Variants in KCNQ1 observed in about 807,000 individuals in gnomAD.
KCNQ1 encodes the protein potassium voltage-gated channel subfamily KQT member 1.
In KCNQ1, 49 loss-of-function variants were observed where a neutral mutation model predicts 72.4. That is an observed-to-expected ratio of 0.68 (90% CI 0.54 to 0.86). The LOEUF is 0.86. Among genes scored for constraint, KCNQ1 ranks in the 40% least tolerant of loss-of-function variants. The pLI, the probability that KCNQ1 is intolerant of heterozygous loss-of-function variation, is 0.00. For synonymous variants in KCNQ1, 450 were observed against 412.6 expected, an observed-to-expected ratio of 1.09 and a Z score of -1.10; for missense variants, 790 against 945.1, an observed-to-expected ratio of 0.84 and a Z score of 2.15.
At chr11:2,466,379 G>A (rs1564788875) in intron 1 of KCNQ1, among the ~76,000 whole-genome samples, 1 of 152,180 alleles carries the variant, frequency 6.6e-6, no homozygotes, top group Non-Finnish European at 1.5e-5. Context: ...TGCAGGAGGA[G>A]GGGGGCTCCC....
Position 2,664,884 on chromosome 11 carries a change from A to G in KCNQ1, c.1514+2803A>G, listed in dbSNP as rs1319419261. The G allele has an allele frequency of 5.0e-6, 2 of 398,552 alleles. No individual in the cohort carries two copies. The highest frequency in any genetic ancestry group is 8.8e-6 in the Non-Finnish European group (2 of 226,092). 24.7% of individuals were successfully genotyped at this position (398,552 alleles called of 1,614,324 possible). On this transcript the variant is annotated intron_variant, in intron 11 of 15. Coordinates refer to ENST00000155840, the MANE Select transcript of KCNQ1 (RefSeq NM_000218.3). The surrounding 1 kb of genome is among the most constrained non-coding windows in gnomAD (Gnocchi z 5.1). Reference sequence around the variant, plus strand: ...CAGAATTCAAATTAAAAACATAAATAAAGACACATTTTGTTTCCATCTCGA... The same window carrying G: ...CAGAATTCAAATTAAAAACATAAATGAAGACACATTTTGTTTCCATCTCGA...
rs889923662 is a variant in KCNQ1 at position 2,682,287 on chromosome 11, A to C, written c.1514+20206A>C. The C allele has an allele frequency of 7.5e-6, 3 of 398,420 alleles. No individual in the cohort carries two copies. Among genetic ancestry groups the C allele is most frequent in the Non-Finnish European group, 1.3e-5 (3 of 226,072 alleles). The allele number at this position is 398,420 out of a possible 1,614,324, so 24.7% of individuals were successfully genotyped here. The stretch of plus-strand genomic sequence containing the variant: ...TAAAGCTTAAGACTGGGCTGTAAAA[A>C]ATCACATACCTCCCCTCCCATTCTT... On this transcript the variant is annotated intron_variant, in intron 11 of 15. Transcript: ENST00000155840. This position sits in a 1 kb window ranked among gnomAD's most constrained non-coding sequence, Gnocchi z 5.8.
intron 10 of KCNQ1, chr11:2,650,542 T>G (rs1230439960): frequency 2.5e-6 from 1 of 398,564 alleles, no homozygotes; most frequent in African/African-American, 2.1e-5. Context: ...ATCTGCAAGT[T>G]CATCAGTGGC....
At position 2,830,008 on chromosome 11, in the gene KCNQ1, AGGAGGAGGAAGGAGGAGGAAGGAGGAG is replaced by A. The variant is rs1216797202; in HGVS notation, c.1795-17740_1795-17714del. On this transcript the variant is annotated intron_variant, in intron 15 of 15. Coordinates refer to ENST00000155840, the MANE Select transcript of KCNQ1 (RefSeq NM_000218.3). This position sits in a 1 kb window ranked among gnomAD's most constrained non-coding sequence, Gnocchi z 7.7. The stretch of plus-strand genomic sequence containing the variant: ...GAGGAGGAAGGAAGAGGGAGGAGGA[AGGAGGAGGAAGGAGGAGGAAGGAGGAG>A]GGAGGAGGAAGGAGGAGGGAGGAGG... Among the ~76,000 whole-genome samples, 42 of 79,556 alleles carry A rather than the reference AGGAGGAGGAAGGAGGAGGAAGGAGGAG, an allele frequency of 5.3e-4. No homozygotes were observed. The highest frequency in any genetic ancestry group is 5.5e-4 in the Non-Finnish European group (24 of 43,746). The allele number at this position is 79,556 out of a possible 152,430, so 52.2% of individuals were successfully genotyped here. A position where few individuals can be genotyped will look rare whatever the true frequency, so the allele number is the denominator to read the frequency against.
At chr11:2,649,054 T>A in intron 10 of KCNQ1, 2 of 397,208 alleles carry the variant, frequency 5.0e-6, no homozygotes, top group East Asian at 7.1e-5. Flanking sequence ...GGTGTCTGTT[T>A]GTGTGGAATA....
Position 2,673,407 on chromosome 11 carries a change from G to T in KCNQ1, c.1514+11326G>T. On this transcript the variant is annotated intron_variant, in intron 11 of 15. Coordinates refer to ENST00000155840, the MANE Select transcript of KCNQ1 (RefSeq NM_000218.3). The surrounding 1 kb of genome is among the most constrained non-coding windows in gnomAD (Gnocchi z 4.5). ...TTGGCCTTTGTTTAGCCCACCTTCT[G>T]CCTAGGCACCAGGCCTGGAGGTTCC... The T allele has an allele frequency of 2.5e-6, 1 of 398,692 alleles. No individual in the cohort carries two copies. Among genetic ancestry groups the T allele is most frequent in the East Asian group, 3.6e-5 (1 of 28,082 alleles). 24.7% of individuals were successfully genotyped at this position (398,692 alleles called of 1,614,324 possible).
chr11:2,714,938 T>C (rs1285123451), intron 11 of KCNQ1, among the ~76,000 whole-genome samples: 1 of 143,910 alleles, frequency 6.9e-6, no homozygotes, highest in African/African-American at 2.6e-5. Flanking sequence ...GATACTCTAA[T>C]GGGGGCACAA....
chr11:2,591,541 C>T (rs973317496), intron 10 of KCNQ1, among the ~76,000 whole-genome samples: 6 of 152,200 alleles, frequency 3.9e-5, no homozygotes, highest in Non-Finnish European at 5.9e-5. Flanking sequence ...GGGCTTTCTG[C>T]GCATGCTAAC....
rs926845306 is a variant in KCNQ1, at chr11:2,649,342, C to A, written c.1394-12619C>A. 1.3e-5 allele frequency: 5 copies of A among 398,110 alleles called. No individual in the cohort carries two copies. In the East Asian group the frequency reaches 1.4e-4, roughly 11 times the overall value. The allele number at this position is 398,110 out of a possible 1,614,324, so 24.7% of individuals were successfully genotyped here. ...TTTTCTGTAGTGATAATCTTTTATT[C>A]CTTTTCCTTTCTCATTTGTGTATCT... On this transcript the variant is annotated intron_variant, in intron 10 of 15. Transcript: ENST00000155840.
rs1487431585 is a variant in KCNQ1 at position 2,768,681 on chromosome 11, C to A, written c.1515-163C>A. On this transcript the variant is annotated intron_variant, in intron 11 of 15. Coordinates refer to ENST00000155840, the MANE Select transcript of KCNQ1 (RefSeq NM_000218.3). The surrounding 1 kb of genome is among the most constrained non-coding windows in gnomAD (Gnocchi z 6.7). ...TCTTGCCCCCAGCCTCCCCTCGAGC[C>A]CACACTGGGACATGGCCTAAGTATC... is the stretch of plus-strand genomic sequence containing the variant. Among the ~76,000 whole-genome samples the A allele has an allele frequency of 6.6e-6, 1 of 152,082 alleles. No homozygotes were observed. Among genetic ancestry groups the A allele is most frequent in the Non-Finnish European group, 1.5e-5 (1 of 68,014 alleles).
At chr11:2,449,217 G>A (rs1466577367) in intron 1 of KCNQ1, among the ~76,000 whole-genome samples, 2 of 152,246 alleles carry the variant, frequency 1.3e-5, no homozygotes, top group Non-Finnish European at 2.9e-5. Flanking sequence ...CGGTTGGAGG[G>A]AACATTCACC....
intron 11 of KCNQ1, chr11:2,680,003 C>T (rs1215852300): frequency 5.0e-6 from 2 of 396,822 alleles, no homozygotes; most frequent in East Asian, 3.6e-5. Flanking sequence ...AAGCAATTCT[C>T]CTGCCTTAGC....
chr11:2,651,218 A>G lies in KCNQ1; in HGVS notation c.1394-10743A>G. The G allele has an allele frequency of 2.5e-6, 1 of 398,694 alleles. No homozygotes were observed. Among genetic ancestry groups the G allele is most frequent in the Non-Finnish European group, 4.4e-6 (1 of 226,102 alleles). 24.7% of individuals were successfully genotyped at this position (398,694 alleles called of 1,614,324 possible). A position where few individuals can be genotyped will look rare whatever the true frequency, so the allele number is the denominator to read the frequency against. On this transcript the variant is annotated intron_variant, in intron 10 of 15. Coordinates refer to ENST00000155840, the MANE Select transcript of KCNQ1 (RefSeq NM_000218.3). This position sits in a 1 kb window ranked among gnomAD's most constrained non-coding sequence, Gnocchi z 6.1. ...GCTTCCTGTCACCCTGTCTTGTGTC[A>G]GTCTCACAGCACACACAGCTTAATT...
intron 15 of KCNQ1, among the ~76,000 whole-genome samples, chr11:2,845,924 T>C (rs1047582912): frequency 6.6e-6 from 1 of 152,150 alleles, no homozygotes; most frequent in African/African-American, 2.4e-5. Flanking sequence ...CCGTGGTAGG[T>C]GCTGTGGGTG....
chr11:2,743,966 C>T (rs1846098317), intron 11 of KCNQ1, among the ~76,000 whole-genome samples: 1 of 152,196 alleles, frequency 6.6e-6, no homozygotes, highest in Non-Finnish European at 1.5e-5. Context: ...CTGCTCCTGC[C>T]CGTTCTGGCC....
At chr11:2,726,137 C>T (rs1487948778) in intron 11 of KCNQ1, among the ~76,000 whole-genome samples, 1 of 152,208 alleles carries the variant, frequency 6.6e-6, no homozygotes, top group Non-Finnish European at 1.5e-5. Flanking sequence ...TAAGGAGGAC[C>T]ACCTGCCTGC....
Position 2,509,979 on chromosome 11 carries a change from G to C in KCNQ1, c.387-17949G>C, listed in dbSNP as rs541536484. Among the ~76,000 whole-genome samples the C allele has an allele frequency of 6.6e-6, 1 of 152,154 alleles. No homozygotes were observed. The highest frequency in any genetic ancestry group is 1.5e-5 in the Non-Finnish European group (1 of 68,036). The stretch of plus-strand genomic sequence containing the variant: ...GACTTTGGTTTCCTGGTGTTTAAAG[G>C]CTAATTGGGATCGGTCGTGGTGCCT... On this transcript the variant is annotated intron_variant, in intron 1 of 15. Transcript: ENST00000155840. This position sits in a 1 kb window ranked among gnomAD's most constrained non-coding sequence, Gnocchi z 6.3.
intron 1 of KCNQ1, chr11:2,461,416 G>T: frequency 7.8e-7 from 1 of 1,276,680 alleles, no homozygotes; most frequent in Non-Finnish European, 1.0e-6. Context: ...TGGGTGAGCC[G>T]GCCGGGGCGG....
chr11:2,740,324 C>G (rs1197849274), intron 11 of KCNQ1, among the ~76,000 whole-genome samples: 2 of 152,224 alleles, frequency 1.3e-5, no homozygotes, highest in Non-Finnish European at 2.9e-5. Flanking sequence ...ACTGCCTTCA[C>G]TTAAAGTCAC....
Sources: gnomAD v4.1 joint callset for allele counts (sites outside exome capture counted in the v4.1 genomes callset) on GRCh38, gnomAD v4.1.1 for gene constraint, Gnocchi (gnomAD v3.1) non-coding constraint, MANE v1.5 for transcripts, NCBI Gene and HGNC (gene_info 2026-07-23, HGNC 2026-07-21) for gene names.